Variants in ADGRL2 observed in about 807,000 individuals in gnomAD.
The protein encoded by ADGRL2 is adhesion G protein-coupled receptor L2, also known as calcium-independent alpha-latrotoxin receptor 2.
ADGRL2 carries 44 observed loss-of-function variants against 157.4 expected under a neutral mutation model. The ratio of observed to expected loss-of-function variants is 0.28; its 90% CI spans 0.22 to 0.36. The LOEUF is 0.36. Ranked by LOEUF, ADGRL2 falls within the 10% of genes least tolerant of loss-of-function variation. The pLI, the probability that ADGRL2 is intolerant of heterozygous loss-of-function variation, is 1.00. For synonymous variants in ADGRL2, 585 were observed against 624.7 expected (o/e 0.94, Z 0.95); for missense variants, 1,510 against 1,768.9 (o/e 0.85, Z 2.63).
chr1:81,986,977 C>T lies in ADGRL2; in HGVS notation c.3585C>T (p.Leu1195=), dbSNP rs747512742. 1.1e-5 allele frequency: 17 copies of T among 1,611,500 alleles called. No individual in the cohort carries two copies. Among genetic ancestry groups the T allele is most frequent in the East Asian group, 2.2e-5 (1 of 44,802 alleles). ...HGTNNPYNTL[L]AETVVCNAPS... is the part of the protein sequence containing the mutation. ...CTAACAACCCCTATAACACATTGCTCGCTGAAACAGTTGTATGTAATGCCC... is the reference window on the plus strand; with the variant it reads ...CTAACAACCCCTATAACACATTGCTTGCTGAAACAGTTGTATGTAATGCCC... The change falls in exon 22 of 24, where the codon CTC becomes CTT. Residue 1195 remains leucine, a synonymous_variant. Coordinates refer to ENST00000686636, the MANE Select transcript of ADGRL2 (RefSeq NM_001366006.2).
At chr1:81,989,907 G>T (rs1387706338) in intron 23 of ADGRL2, 7 of 985,074 alleles carry the variant, frequency 7.1e-6, no homozygotes, top group African/African-American at 1.7e-5. Context: ...CAGTTATGTG[G>T]GTTTATGTTG....
chr1:81,868,291 C>T (rs2093603843), intron 2 of ADGRL2, among the ~76,000 whole-genome samples: 2 of 152,096 alleles, frequency 1.3e-5, no homozygotes, highest in Non-Finnish European at 2.9e-5. Context: ...AGGGTATGTT[C>T]TACAAAGGTG....
chr1:81,718,640 G>A (rs986331447), intron 1 of ADGRL2, among the ~76,000 whole-genome samples: 1 of 152,126 alleles, frequency 6.6e-6, no homozygotes, highest in African/African-American at 2.4e-5. Flanking sequence ...AATTGTAATG[G>A]AATTTACATA....
At chr1:81,503,413 C>T in intron 2 of ADGRL2, 1 of 1,613,808 alleles carries the variant, frequency 6.2e-7, no homozygotes, top group South Asian at 1.1e-5. Flanking sequence ...TTCACCAAGT[C>T]CTACCTCATC....
chr1:81,465,924 C>G (rs1047927014), intron 2 of ADGRL2, among the ~76,000 whole-genome samples: 7 of 151,900 alleles, frequency 4.6e-5, no homozygotes, highest in African/African-American at 1.7e-4. Context: ...CTGGGCTAAG[C>G]AAGGAAAATG....
At chr1:81,877,013 C>A (rs2093857456) in intron 2 of ADGRL2, among the ~76,000 whole-genome samples, 1 of 152,132 alleles carries the variant, frequency 6.6e-6, no homozygotes, top group Admixed American at 6.6e-5. Context: ...ACCACTCCTG[C>A]CCAACCGCTC....
At chr1:81,444,124 C>A (rs1034360065) in intron 1 of ADGRL2, among the ~76,000 whole-genome samples, 6 of 152,154 alleles carry the variant, frequency 3.9e-5, no homozygotes, top group African/African-American at 1.2e-4. Flanking sequence ...GTATAATAAT[C>A]CCTTTTTACC....
At chr1:81,441,028 C>A (rs1451353092) in intron 1 of ADGRL2, among the ~76,000 whole-genome samples, 1 of 152,142 alleles carries the variant, frequency 6.6e-6, no homozygotes, top group Non-Finnish European at 1.5e-5. Flanking sequence ...GTTTCTCTCT[C>A]TCCCTCTCTC....
At chr1:81,351,831 C>T (rs1662914902) in intron 1 of ADGRL2, among the ~76,000 whole-genome samples, 1 of 152,172 alleles carries the variant, frequency 6.6e-6, no homozygotes, top group Non-Finnish European at 1.5e-5. Context: ...AAACCCCTTC[C>T]AAGAGCTGAC....
intron 1 of ADGRL2, among the ~76,000 whole-genome samples, chr1:81,316,600 A>T (rs1002387353): frequency 2.6e-5 from 4 of 152,214 alleles, no homozygotes; most frequent in Admixed American, 6.5e-5. Flanking sequence ...CTTGGAATTT[A>T]TACACTAACA....
intron 2 of ADGRL2, among the ~76,000 whole-genome samples, chr1:81,539,483 T>C (rs1421951071): frequency 1.3e-5 from 2 of 152,172 alleles, no homozygotes; most frequent in East Asian, 3.9e-4. Context: ...GCCACTAATA[T>C]CTATATCACT....
At chr1:81,644,627 C>G (rs1570720019) in intron 3 of ADGRL2, among the ~76,000 whole-genome samples, 2 of 152,154 alleles carry the variant, frequency 1.3e-5, no homozygotes, top group East Asian at 3.9e-4. Flanking sequence ...TGTTCCATGT[C>G]ATATGTCATT....
chr1:81,778,770 C>G (rs2086698216), intron 2 of ADGRL2, among the ~76,000 whole-genome samples: 1 of 152,082 alleles, frequency 6.6e-6, no homozygotes, highest in African/African-American at 2.4e-5. Flanking sequence ...TCATAGCGGT[C>G]AAGAGACGTT....
upstream of ADGRL2, among the ~76,000 whole-genome samples, chr1:81,799,165 T>C (rs1030778868): frequency 3.9e-5 from 6 of 152,196 alleles, no homozygotes; most frequent in South Asian, 2.1e-4. Flanking sequence ...ATGTATGTAT[T>C]TTGACATATG....
intron 2 of ADGRL2, among the ~76,000 whole-genome samples, chr1:81,527,309 A>G (rs1013388115): frequency 2.0e-5 from 3 of 152,148 alleles, no homozygotes; most frequent in Non-Finnish European, 2.9e-5. Flanking sequence ...CCCAAAATTC[A>G]TATGTTGAAA....
intron 1 of ADGRL2, among the ~76,000 whole-genome samples, chr1:81,439,408 A>G (rs12118064): frequency 0.48 from 73,489 of 152,062 alleles, 19,849 homozygotes; most frequent in Non-Finnish European, 0.6. Context: ...TCTTATTCCT[A>G]ATTTAGGAAG....
In ADGRL2 at chr1:81,800,987, G is replaced by T. The variant is rs1236153897; in HGVS notation, c.-182G>T. 6.7e-6 allele frequency among the ~76,000 whole-genome samples: 1 copy of T among 149,822 alleles called. No homozygotes were observed. Among genetic ancestry groups the T allele is most frequent in the East Asian group, 2.0e-4 (1 of 5,066 alleles). ...CCGCCGCCCGGACAGCCCTGCGGCC[G>T]CCCCGCCGGCGGAGCCGGGGCCGGC... On this transcript the variant is annotated 5_prime_UTR_variant, in exon 1 of 24. Coordinates refer to ENST00000686636, the MANE Select transcript of ADGRL2 (RefSeq NM_001366006.2).
rs2080879561 is a variant in ADGRL2, at chr1:81,580,218, T to G, written c.-247-658T>G. On this transcript the variant is annotated intron_variant, in intron 2 of 24. Transcript: ENST00000370721. ...GTGATGTGGATTTATCCTCCTTGCT[T>G]GTACAGTTAACCATTCACATCTGTG... is the stretch of plus-strand genomic sequence containing the variant. Among the ~76,000 whole-genome samples, 3 of 152,250 alleles carry G rather than the reference T, an allele frequency of 2.0e-5. No individual in the cohort carries two copies. The South Asian group carries it at 6.2e-4, about 32-fold the overall frequency.
intron 2 of ADGRL2, chr1:81,503,211 C>T: frequency 3.1e-6 from 5 of 1,614,206 alleles, no homozygotes; most frequent in South Asian, 1.1e-5. Context: ...GCAGGGAAGA[C>T]AGAGCAGAGG....
Sources: allele counts gnomAD v4.1 joint callset (sites outside exome capture counted in the v4.1 genomes callset), GRCh38; gene constraint gnomAD v4.1.1; transcripts MANE v1.5; gene names NCBI Gene and HGNC (gene_info 2026-07-23, HGNC 2026-07-21).